Variants in MLST8 observed in about 807,000 individuals in gnomAD.
MLST8 encodes target of rapamycin complex subunit LST8.
A neutral mutation model predicts 41.3 loss-of-function variants in MLST8; 20 were observed. That is an observed-to-expected ratio of 0.48 (90% confidence interval 0.34 to 0.70). The LOEUF (loss-of-function observed/expected upper bound fraction) is 0.70, where lower values mean the gene tolerates loss of function less well. MLST8 is among the 30% of genes least tolerant of loss of function. The pLI is 0.01. For missense variants in MLST8, 422 were observed against 454.3 expected, an observed-to-expected ratio of 0.93 and a Z score of 0.65; for synonymous variants, 243 against 183.0, an observed-to-expected ratio of 1.33 and a Z score of -2.65.
At chr16:2,206,683 G>GC (rs757311709) in intron 4 of MLST8, 24 bp downstream of exon 4, 1 of 1,602,302 alleles carries the variant, frequency 6.2e-7, no homozygotes, top group South Asian at 1.1e-5. Context: ...GGGGCGTGCT[G>GC]CCCGGGGCTG....
At position 2,206,137 on chromosome 16, in the gene MLST8, G is replaced by A; in HGVS notation, c.52G>A (p.Ala18Thr). 6.2e-7 allele frequency: 1 copy of A among 1,611,494 alleles called. No homozygotes were observed. The change falls in exon 2 of 9, where the codon GCA becomes ACA. Residue 18 changes from alanine to threonine, a missense_variant. By Grantham distance (58) the Ala-to-Thr change is moderately conservative. Transcript: ENST00000569417. ...VGSDPVILATAGYDHTVRFWQ... is the reference protein window; with the variant it reads ...VGSDPVILATTGYDHTVRFWQ... ...CAGTGACCCGGTCATCCTGGCCACTGCAGGCTACGACCACACCGTGCGCTT... is the reference window on the plus strand; with the variant it reads ...CAGTGACCCGGTCATCCTGGCCACTACAGGCTACGACCACACCGTGCGCTT...
At position 2,206,706 on chromosome 16, in the gene MLST8, C is replaced by T. The variant is rs765537400; in HGVS notation, c.344+47C>T. Reference sequence around the variant, plus strand: ...CTGCCCGGGGCTGGGGTGGGCTGCTCTGGGAGACCGTTTTAGGTTGGGTTC... The same window carrying T: ...CTGCCCGGGGCTGGGGTGGGCTGCTTTGGGAGACCGTTTTAGGTTGGGTTC... On this transcript the variant is annotated intron_variant, in intron 4 of 8. Coordinates refer to ENST00000569417, the MANE Select transcript of MLST8 (RefSeq NM_022372.6). The T allele has an allele frequency of 3.1e-6, 5 of 1,596,708 alleles. 1 individual carries two copies. In the South Asian group the frequency reaches 4.4e-5, roughly 14 times the overall value.
chr16:2,208,061 C>T (rs2093330779), intron 6 of MLST8, 149 bp from the exon 7 acceptor site: 3 of 891,420 alleles, frequency 3.4e-6, no homozygotes, highest in Admixed American at 6.3e-5. Flanking sequence ...TCCCAGGTGC[C>T]TTCTGCAGGC....
rs758106929 is a variant in MLST8 at position 2,208,926 on chromosome 16, A to G, written c.*49A>G. ...GGTGCAGGTGGTGGCAGCTGGAGGG[A>G]CCCATGCAGCACCCAGGTCAGAGCA... On this transcript the variant is annotated 3_prime_UTR_variant, in exon 9 of 9. Coordinates refer to ENST00000569417, the MANE Select transcript of MLST8 (RefSeq NM_022372.6). 6.3e-7 allele frequency: 1 copy of G among 1,587,748 alleles called. No individual in the cohort carries two copies. The highest frequency in any genetic ancestry group is 8.6e-7 in the Non-Finnish European group (1 of 1,162,802).
chr16:2,208,479 C>A lies in MLST8; in HGVS notation c.728C>A (p.Thr243Lys). 6.2e-7 allele frequency: 1 copy of A among 1,613,254 alleles called. No individual in the cohort carries two copies. The highest frequency in any genetic ancestry group is 1.1e-5 in the South Asian group (1 of 91,086). The change falls in exon 8 of 9, where the codon ACG becomes AAG. Residue 243 changes from threonine (T) to lysine (K), a missense_variant. Coordinates refer to ENST00000569417, the MANE Select transcript of MLST8 (RefSeq NM_022372.6). ...TLLATCSADQ[T>K]CKIWRTSNFS... Reference sequence around the variant, plus strand: ...CTCGCCACCTGCTCGGCTGATCAGACGTGCAAGATCTGGAGGACGTCCAAC... The same window carrying A: ...CTCGCCACCTGCTCGGCTGATCAGAAGTGCAAGATCTGGAGGACGTCCAAC...
At chr16:2,208,048 G>A in intron 6 of MLST8, 162 bp from the exon 7 acceptor site, 1 of 747,502 alleles carries the variant, frequency 1.3e-6, no homozygotes, top group African/African-American at 1.8e-5. Context: ...TTGGGGCCAG[G>A]CTTCCCAGGT....
chr16:2,207,009 AG>A (rs1353871911), intron 4 of MLST8, 25 bp from the exon 5 acceptor site: 1 of 1,611,610 alleles, frequency 6.2e-7, no homozygotes. Flanking sequence ...CCAGATGGAC[AG>A]CATGTGCCCC....
chr16:2,208,742 A>G lies in MLST8; in HGVS notation c.863-17A>G, dbSNP rs1215522126. 5 of 1,613,706 alleles carry G rather than the reference A, an allele frequency of 3.1e-6. No individual in the cohort carries two copies. Among genetic ancestry groups the G allele is most frequent in the Non-Finnish European group, 3.4e-6 (4 of 1,179,894 alleles). On this transcript the variant is annotated splice_polypyrimidine_tract_variant and intron_variant, in intron 8 of 8. Coordinates refer to ENST00000569417, the MANE Select transcript of MLST8 (RefSeq NM_022372.6). ...CCTGCACCTGCGCTCTTAGCCCTGC[A>G]CAATCTCCCCCTCCAGCTTCCTCGG...
chr16:2,206,248 G>A, intron 2 of MLST8, 34 bp downstream of exon 2: 4 of 1,599,594 alleles, frequency 2.5e-6, no homozygotes, highest in Non-Finnish European at 3.4e-6. Flanking sequence ...GGGCGGCGCT[G>A]GGGGGATGCC....
At position 2,207,034 on chromosome 16, in the gene MLST8, G is replaced by C. The variant is rs1465181274; in HGVS notation, c.345-1G>C. ...AGCATGTGCCCCGGCCCGGCCCGCA[G>C]GTCCCGGAACCTGCAGTGCCAGCGG... On this transcript the variant is annotated splice_acceptor_variant, in intron 4 of 8. Transcript: ENST00000569417. LOFTEE classifies it high-confidence loss of function. 1 of 1,613,096 alleles carries C rather than the reference G, an allele frequency of 6.2e-7. No individual in the cohort carries two copies. Among genetic ancestry groups the C allele is most frequent in the Non-Finnish European group, 8.5e-7 (1 of 1,179,950 alleles).
In MLST8 at chr16:2,207,338, A is replaced by G. The variant is rs767233270; in HGVS notation, c.566A>G (p.Asn189Ser). The G allele has an allele frequency of 2.2e-5, 36 of 1,613,874 alleles. No individual in the cohort carries two copies. Among genetic ancestry groups the G allele is most frequent in the Non-Finnish European group, 2.8e-5 (33 of 1,179,892 alleles). Residue 189 changes from asparagine (N) to serine (S), a missense_variant, in exon 6 of 9, where the codon AAT becomes AGT. By Grantham distance (46) the Asn-to-Ser change is conservative (BLOSUM62 1). Coordinates refer to ENST00000569417, the MANE Select transcript of MLST8 (RefSeq NM_022372.6). ...DPDASYMAAV[N>S]STGNCYVWNL... Reference sequence around the variant, plus strand: ...GACGCCAGCTACATGGCAGCTGTCAATAGCACCGTGAGTCCTGGTGGCAGG... The same window carrying G: ...GACGCCAGCTACATGGCAGCTGTCAGTAGCACCGTGAGTCCTGGTGGCAGG...
Position 2,209,266 on chromosome 16 carries a change from G to C in MLST8, c.*389G>C, listed in dbSNP as rs2093358014. 8.5e-7 allele frequency: 1 copy of C among 1,180,674 alleles called. No individual in the cohort carries two copies. The highest frequency in any genetic ancestry group is 1.2e-6 in the Non-Finnish European group (1 of 817,582). The allele number at this position is 1,180,674 out of a possible 1,614,324, so 73.1% of individuals were successfully genotyped here. A position where few individuals can be genotyped will look rare whatever the true frequency, so the allele number is the denominator to read the frequency against. On this transcript the variant is annotated 3_prime_UTR_variant, in exon 9 of 9. Transcript: ENST00000569417. ...ACCACCACCATGGCCAGGTGGAAGG[G>C]TTTATTAGTCCCTGCCAGCAGCTGT...
chr16:2,207,394 C>T (rs1596718726), intron 6 of MLST8, 49 bp downstream of exon 6: 1 of 1,594,426 alleles, frequency 6.3e-7, no homozygotes, highest in African/African-American at 1.3e-5. Flanking sequence ...GCACTCAGCC[C>T]TCAGCCTCTG....
intron 6 of MLST8, 82 bp from the exon 7 acceptor site, chr16:2,208,128 C>A: frequency 6.7e-7 from 1 of 1,499,152 alleles, no homozygotes; most frequent in South Asian, 1.3e-5. Flanking sequence ...AGTTGGCCCC[C>A]AGTGTTGGCC....
In MLST8 at chr16:2,208,791, G is replaced by A. The variant is rs1353340265; in HGVS notation, c.895G>A (p.Val299Met). 6.2e-6 allele frequency: 10 copies of A among 1,614,044 alleles called. No individual in the cohort carries two copies. Among genetic ancestry groups the A allele is most frequent in the Non-Finnish European group, 8.5e-6 (10 of 1,179,936 alleles). ...GGACAACCTGGCCCGGCTCTGGTGT[G>A]TGGAGACTGGAGAGATCAAGAGAGA... The part of the protein sequence containing the change: ...SSDNLARLWC[V>M]ETGEIKREYG... The change falls in exon 9 of 9, where the codon GTG becomes ATG. Residue 299 changes from valine to methionine, a missense_variant. Physicochemically the swap from Val to Met is conservative, Grantham distance 21 (BLOSUM62 1). Transcript: ENST00000569417.
Position 2,205,528 on chromosome 16 carries a change from GCCAGGGGCCGGGAA to G in MLST8, c.-56+19_-56+32del, listed in dbSNP as rs1451522247. The G allele has an allele frequency of 3.6e-6, 1 of 274,186 alleles. No homozygotes were observed. Among genetic ancestry groups the G allele is most frequent in the Non-Finnish European group, 5.6e-6 (1 of 179,540 alleles). 17.0% of individuals were successfully genotyped at this position (274,186 alleles called of 1,614,324 possible). On this transcript the variant is annotated intron_variant, in intron 1 of 8. Coordinates refer to ENST00000569417, the MANE Select transcript of MLST8 (RefSeq NM_022372.6). ...CGCCCGTAAGGTACGGAGGCCGCGA[GCCAGGGGCCGGGAA>G]CCGGCTGCTGGGTGGCTGGGAGAGC...
At chr16:2,208,091 T>A in intron 6 of MLST8, 119 bp from the exon 7 acceptor site, 1 of 1,238,546 alleles carries the variant, frequency 8.1e-7, no homozygotes, top group Non-Finnish European at 1.1e-6. Context: ...GGGGCCTGCC[T>A]GCCCCTCACC....
chr16:2,206,506 A>G lies in MLST8; in HGVS notation c.191A>G (p.His64Arg). Residue 64 changes from histidine (H) to arginine (R), a missense_variant, in exon 4 of 9, where the codon CAC becomes CGC. By Grantham distance (29) the His-to-Arg change is conservative (BLOSUM62 0). Transcript: ENST00000569417. ...RSMIAAAGYQ[H>R]IRMYDLNSNN... ...CAGCCTGTGTCCCTAGGTTACCAGC[A>G]CATCCGCATGTATGATCTCAACTCC... The G allele has an allele frequency of 6.2e-6, 10 of 1,611,052 alleles. No homozygotes were observed. The highest frequency in any genetic ancestry group is 8.5e-6 in the Non-Finnish European group (10 of 1,177,406).
intron 6 of MLST8, chr16:2,207,625 C>G (rs1314108261): frequency 2.1e-6 from 1 of 480,990 alleles, no homozygotes; most frequent in Admixed American, 3.6e-5. Context: ...ACCCTTGTTT[C>G]TGGTGACGGC....
Sources: gnomAD v4.1 joint callset for allele counts on GRCh38, gnomAD v4.1.1 for gene constraint, MANE v1.5 for transcripts, NCBI Gene and HGNC (gene_info 2026-07-23, HGNC 2026-07-21) for gene names.